Variants in STX8 observed in about 807,000 individuals in gnomAD.
STX8 encodes syntaxin-8.
Under a neutral mutation model 37.5 loss-of-function variants are expected in STX8, and 23 were observed. That is an observed-to-expected ratio of 0.61 (90% CI 0.44 to 0.87). STX8 has a LOEUF of 0.87. Among genes scored for constraint, STX8 ranks in the 40% least tolerant of loss-of-function variants. STX8 has a pLI of 0.00. For synonymous variants in STX8, 115 were observed against 99.1 expected (o/e 1.16, Z -0.95); for missense variants, 313 against 284.7 (o/e 1.10, Z -0.71).
intron 5 of STX8, among the ~76,000 whole-genome samples, chr17:9,503,954 G>C (rs1177911733): frequency 6.6e-6 from 1 of 151,880 alleles, no homozygotes; most frequent in Non-Finnish European, 1.5e-5. Context: ...AGTAGAGACG[G>C]CGTTTCACCA....
At chr17:9,268,338 C>G (rs376279810) in intron 7 of STX8, among the ~76,000 whole-genome samples, 8 of 151,624 alleles carry the variant, frequency 5.3e-5, no homozygotes, top group East Asian at 3.9e-4. Flanking sequence ...TACACTGGAT[C>G]GTGGAAAAGG....
At chr17:9,399,414 GC>G (rs1196647507) in intron 6 of STX8, among the ~76,000 whole-genome samples, 2 of 152,192 alleles carry the variant, frequency 1.3e-5, no homozygotes, top group African/African-American at 2.4e-5. Context: ...AAGTGACAGA[GC>G]TGAGGAGTGG....
chr17:9,435,251 TGAGTA>T (rs1904389595), intron 6 of STX8, among the ~76,000 whole-genome samples: 1 of 152,174 alleles, frequency 6.6e-6, no homozygotes, highest in East Asian at 1.9e-4. Flanking sequence ...GTGAAGATGC[TGAGTA>T]AAGTTGGAAA....
intron 6 of STX8, among the ~76,000 whole-genome samples, chr17:9,482,184 AT>A (rs1014948031): frequency 5.3e-5 from 8 of 150,610 alleles, no homozygotes; most frequent in African/African-American, 1.2e-4. Context: ...CCCTGTCCCT[AT>A]TTTTTTTTAA....
intron 4 of STX8, among the ~76,000 whole-genome samples, chr17:9,511,232 T>TG (rs146600707): frequency 0.071 from 10,791 of 152,158 alleles, 1,328 homozygotes; most frequent in African/African-American, 0.24. Context: ...AAAATTGAAG[T>TG]GAGGGTATTC....
chr17:9,521,338 T>C (rs191475262), intron 4 of STX8, among the ~76,000 whole-genome samples: 30 of 152,300 alleles, frequency 2.0e-4, no homozygotes, highest in African/African-American at 6.7e-4. Context: ...CAAGTGTTGA[T>C]GAATAGACTG....
At chr17:9,349,822 G>T (rs1251301369) in intron 7 of STX8, among the ~76,000 whole-genome samples, 1 of 151,268 alleles carries the variant, frequency 6.6e-6, no homozygotes. Context: ...AATGCCTACG[G>T]GATGAGAGGA....
chr17:9,402,571 C>T (rs1288436862), intron 6 of STX8, among the ~76,000 whole-genome samples: 1 of 152,142 alleles, frequency 6.6e-6, no homozygotes, highest in Non-Finnish European at 1.5e-5. Flanking sequence ...GCGTCCCACT[C>T]ATTAAACAAT....
chr17:9,512,826 A>G (rs1193080902), intron 4 of STX8, among the ~76,000 whole-genome samples: 1 of 152,228 alleles, frequency 6.6e-6, no homozygotes, highest in African/African-American at 2.4e-5. Context: ...GAATATGCAC[A>G]TGCATAAGAA....
intron 4 of STX8, among the ~76,000 whole-genome samples, chr17:9,520,591 T>G (rs979839369): frequency 5.3e-5 from 8 of 152,238 alleles, no homozygotes; most frequent in African/African-American, 1.9e-4. Flanking sequence ...TATCAAGATT[T>G]AACCAAAAAG....
In STX8 at chr17:9,559,734, T is replaced by TTATATA. The variant is rs1009971082; in HGVS notation, c.118-2212_118-2207dup. ...AATCAACTGAAAGATTATTATTATT[T>TTATATA]TATATATATATATATATATATATAT... On this transcript the variant is annotated intron_variant, in intron 2 of 7. Transcript: ENST00000306357. Among the ~76,000 whole-genome samples, 88 of 48,730 alleles carry TTATATA rather than the reference T, an allele frequency of 1.8e-3. 2 individuals carry two copies. Among genetic ancestry groups the TTATATA allele is most frequent in the African/African-American group, 5.7e-3 (81 of 14,164 alleles). 32.0% of individuals were successfully genotyped at this position (48,730 alleles called of 152,430 possible). A position where few individuals can be genotyped will look rare whatever the true frequency, so the allele number is the denominator to read the frequency against.
intron 6 of STX8, among the ~76,000 whole-genome samples, chr17:9,393,296 C>T (rs745674686): frequency 1.7e-4 from 26 of 152,042 alleles, no homozygotes; most frequent in Non-Finnish European, 3.4e-4. Context: ...ATACTCTAGA[C>T]GAAGAAGTAC....
intron 7 of STX8, among the ~76,000 whole-genome samples, chr17:9,350,128 C>A (rs1313264777): frequency 2.0e-5 from 3 of 152,234 alleles, no homozygotes; most frequent in African/African-American, 7.2e-5. Flanking sequence ...ATCACTGAGC[C>A]CTGATGATGG....
intron 6 of STX8, among the ~76,000 whole-genome samples, chr17:9,472,706 G>C (rs1048679532): frequency 6.6e-6 from 1 of 152,212 alleles, no homozygotes; most frequent in African/African-American, 2.4e-5. Context: ...GGTCAAATAG[G>C]AACAGCGGTG....
At chr17:9,397,453 C>T (rs183473294) in intron 6 of STX8, among the ~76,000 whole-genome samples, 2 of 152,128 alleles carry the variant, frequency 1.3e-5, no homozygotes, top group Non-Finnish European at 2.9e-5. Context: ...ATAGTGGGAG[C>T]CAAACTCTCA....
chr17:9,435,033 G>A (rs1304751861), intron 6 of STX8, among the ~76,000 whole-genome samples: 3 of 152,092 alleles, frequency 2.0e-5, no homozygotes, highest in Admixed American at 6.5e-5. Context: ...TTCACTGCAC[G>A]CCCTGTTTTG....
chr17:9,477,002 C>T (rs1254023149), intron 6 of STX8, among the ~76,000 whole-genome samples: 8 of 152,090 alleles, frequency 5.3e-5, no homozygotes, highest in Middle Eastern at 3.2e-3. Context: ...TACACCACCA[C>T]ATTAGGCTAA....
intron 4 of STX8, among the ~76,000 whole-genome samples, chr17:9,510,577 A>T (rs1904990967): frequency 6.6e-6 from 1 of 152,156 alleles, no homozygotes; most frequent in African/African-American, 2.4e-5. Flanking sequence ...AGTAAATGAA[A>T]ATAGAGGCAC....
At chr17:9,491,252 C>A (rs952217568) in intron 6 of STX8, among the ~76,000 whole-genome samples, 2 of 151,900 alleles carry the variant, frequency 1.3e-5, no homozygotes, top group Non-Finnish European at 2.9e-5. Flanking sequence ...TCCCGTGCCC[C>A]CGTATTTCTT....
Sources: gnomAD v4.1 joint callset for allele counts (sites outside exome capture counted in the v4.1 genomes callset) on GRCh38, gnomAD v4.1.1 for gene constraint, MANE v1.5 for transcripts, NCBI Gene and HGNC (gene_info 2026-07-23, HGNC 2026-07-21) for gene names.